The following TANGO6 variants were observed in gnomAD, a reference collection of about 807,000 sequenced individuals.
TANGO6 encodes the protein transport and Golgi organization protein 6 homolog.
TANGO6 carries 90 observed loss-of-function variants against 114.2 expected under a neutral mutation model. That is an observed-to-expected ratio of 0.79 (90% confidence interval 0.66 to 0.94). The LOEUF is 0.94. Among genes scored for constraint, TANGO6 ranks in the 40% least tolerant of loss-of-function variants. TANGO6 has a pLI of 0.00. For missense variants in TANGO6, 1,274 were observed against 1,315.3 expected (o/e 0.97, Z 0.49); for synonymous variants, 477 against 509.8 (o/e 0.94, Z 0.87).
Position 68,860,175 on chromosome 16 carries a change from C to T in TANGO6, c.386C>T (p.Ala129Val). ...GKPNPRTPEV[A>V]PALSPDALSI... ...CCCAACCCTAGGACTCCGGAAGTTG[C>T]TCCTGCCCTGAGCCCCGATGCACTT... Residue 129 changes from alanine to valine, a missense_variant, in exon 2 of 18, where the codon GCT (alanine) becomes GTT (valine). This residue lies in a region of TANGO6 where 908 missense variants were observed against 910.2 expected (regional missense o/e 1.00). Coordinates refer to ENST00000261778, the MANE Select transcript of TANGO6 (RefSeq NM_024562.2). The T allele has an allele frequency of 6.2e-7, 1 of 1,614,048 alleles. No homozygotes were observed. Among genetic ancestry groups the T allele is most frequent in the South Asian group, 1.1e-5 (1 of 91,088 alleles).
chr16:69,022,582 T>C (rs1379745525), intron 15 of TANGO6, among the ~76,000 whole-genome samples: 2 of 151,994 alleles, frequency 1.3e-5, no homozygotes, highest in Non-Finnish European at 2.9e-5. Context: ...CATGCACCTG[T>C]AGTCCCAACT....
At chr16:68,916,444 C>T (rs1963006447) in intron 11 of TANGO6, among the ~76,000 whole-genome samples, 1 of 151,804 alleles carries the variant, frequency 6.6e-6, no homozygotes, top group Non-Finnish European at 1.5e-5. Flanking sequence ...GAAACCATTC[C>T]CCGCCCCTCT....
At chr16:68,886,440 G>A (rs1962540142) in intron 7 of TANGO6, among the ~76,000 whole-genome samples, 1 of 152,010 alleles carries the variant, frequency 6.6e-6, no homozygotes, top group Non-Finnish European at 1.5e-5. Flanking sequence ...ATGAGTTGAG[G>A]GATGGGCTCC....
chr16:68,999,610 TAGAG>T (rs1188859783), intron 15 of TANGO6, among the ~76,000 whole-genome samples: 11 of 152,176 alleles, frequency 7.2e-5, no homozygotes, highest in African/African-American at 9.6e-5. Flanking sequence ...AGAAATCAGA[TAGAG>T]AGAAAGAAAC....
At chr16:68,899,507 T>C (rs1326290783) in intron 7 of TANGO6, among the ~76,000 whole-genome samples, 1 of 142,922 alleles carries the variant, frequency 7.0e-6, no homozygotes, top group Admixed American at 6.9e-5. Context: ...CTCACACACT[T>C]TTTTTTTTTT....
At chr16:68,917,663 T>C (rs1204932541) in intron 11 of TANGO6, among the ~76,000 whole-genome samples, 6 of 152,174 alleles carry the variant, frequency 3.9e-5, no homozygotes, top group East Asian at 1.9e-4. Flanking sequence ...TCCAGTGACA[T>C]AGGATGTGGA....
intron 17 of TANGO6, among the ~76,000 whole-genome samples, chr16:69,057,035 G>C (rs1960043543): frequency 9.3e-6 from 1 of 107,688 alleles, no homozygotes; most frequent in African/African-American, 3.5e-5. Context: ...TTGAGATGGA[G>C]TCTTGCTCTG....
chr16:68,973,184 C>T (rs536115481), intron 14 of TANGO6: 4 of 455,762 alleles, frequency 8.8e-6, no homozygotes, highest in African/African-American at 6.0e-5. Context: ...TTGGAGAAAC[C>T]CAAAGCAGAG....
chr16:69,074,655 G>A (rs1333430492), intron 17 of TANGO6, among the ~76,000 whole-genome samples: 1 of 152,020 alleles, frequency 6.6e-6, no homozygotes, highest in Non-Finnish European at 1.5e-5. Context: ...GTCTGAGTCT[G>A]TTTGGTAAAC....
chr16:69,083,360 C>T, intron 17 of TANGO6, 125 bp from the exon 18 acceptor site: 1 of 1,246,524 alleles, frequency 8.0e-7, no homozygotes, highest in South Asian at 1.7e-5. Context: ...CACCCAGCCA[C>T]ATTATCTTCA....
intron 1 of TANGO6, among the ~76,000 whole-genome samples, chr16:68,855,944 CT>C (rs1174235724): frequency 6.6e-6 from 1 of 150,650 alleles, no homozygotes; most frequent in South Asian, 2.1e-4. Flanking sequence ...AATAAAATGT[CT>C]TTTTTTGTTT....
intron 15 of TANGO6, among the ~76,000 whole-genome samples, chr16:68,994,357 C>T (rs1963972557): frequency 1.3e-5 from 2 of 152,092 alleles, no homozygotes; most frequent in South Asian, 4.2e-4. Flanking sequence ...TTCAGTGCCC[C>T]TCACTTACCT....
chr16:68,907,041 C>T (rs1396159981), intron 9 of TANGO6, among the ~76,000 whole-genome samples: 9 of 151,648 alleles, frequency 5.9e-5, no homozygotes, highest in South Asian at 4.1e-4. Flanking sequence ...GTGATCCACC[C>T]GCCTCGGCTT....
intron 10 of TANGO6, 88 bp downstream of exon 10, chr16:68,907,663 G>A (rs138726314): frequency 1.4e-6 from 2 of 1,417,078 alleles, no homozygotes; most frequent in South Asian, 1.6e-5. Context: ...ATAATTTTAG[G>A]TCCTAAAATG....
chr16:69,032,282 T>C (rs1959607954), intron 16 of TANGO6, among the ~76,000 whole-genome samples: 1 of 152,050 alleles, frequency 6.6e-6, no homozygotes, highest in Non-Finnish European at 1.5e-5. Context: ...CATTCATTTA[T>C]GGAGACAGAG....
At chr16:68,846,256 CCT>C (rs1961801147) in intron 1 of TANGO6, among the ~76,000 whole-genome samples, 1 of 152,058 alleles carries the variant, frequency 6.6e-6, no homozygotes, top group Non-Finnish European at 1.5e-5. Context: ...GAACTCCTGA[CCT>C]CAGGTGATCT....
chr16:68,899,738 T>C (rs1176057254), intron 7 of TANGO6, among the ~76,000 whole-genome samples: 2 of 152,104 alleles, frequency 1.3e-5, no homozygotes, highest in African/African-American at 4.8e-5. Context: ...TAGTTAGGAC[T>C]GTAGGTGTGC....
intron 8 of TANGO6, among the ~76,000 whole-genome samples, chr16:68,901,447 C>T (rs2152181699): frequency 6.6e-6 from 1 of 152,302 alleles, no homozygotes; most frequent in Admixed American, 6.5e-5. Flanking sequence ...GGAGGCTGTA[C>T]ATCTGTGAAC....
intron 11 of TANGO6, among the ~76,000 whole-genome samples, chr16:68,910,314 A>T (rs1177256883): frequency 6.6e-6 from 1 of 152,042 alleles, no homozygotes; most frequent in Non-Finnish European, 1.5e-5. Flanking sequence ...TATGCTCATG[A>T]TTTCTTTCCT....
Sources: gnomAD v4.1 joint callset for allele counts (sites outside exome capture counted in the v4.1 genomes callset) on GRCh38, gnomAD v4.1.1 for gene constraint, gnomAD v4.1.1 regional missense constraint, MANE v1.5 for transcripts, NCBI Gene and HGNC (gene_info 2026-07-23, HGNC 2026-07-21) for gene names.